The following SPNS2 variants were observed in gnomAD, a reference collection of about 807,000 sequenced individuals.
SPNS2 encodes the protein sphingosine-1-phosphate transporter SPNS2.
A neutral mutation model predicts 57.6 loss-of-function variants in SPNS2; 37 were observed. The observed-to-expected ratio is 0.64, with a 90% CI of 0.49 to 0.85. The LOEUF is 0.85. Among genes scored for constraint, SPNS2 ranks in the 40% least tolerant of loss-of-function variants. The pLI, the probability that SPNS2 is intolerant of heterozygous loss-of-function variation, is 0.00. For synonymous variants in SPNS2, 440 were observed against 346.9 expected, an observed-to-expected ratio of 1.27 and a Z score of -2.98; for missense variants, 831 against 779.1, an observed-to-expected ratio of 1.07 and a Z score of -0.79.
chr17:4,516,347 AAAAAC>A lies in SPNS2; in HGVS notation c.436+3036_436+3040del, dbSNP rs1331542498. On this transcript the variant is annotated intron_variant, in intron 2 of 12. Transcript: ENST00000329078. ...AAAAAAAAAAAAAAAAAAAAAACAA[AAAAAC>A]CGCTCATAGGTTTTGCTGTTTTGGG... Among the ~76,000 whole-genome samples the A allele has an allele frequency of 6.9e-3, 1,019 of 148,458 alleles. 44 individuals carry two copies. The highest frequency in any genetic ancestry group is 0.02 in the Middle Eastern group (6 of 294).
Position 4,533,425 on chromosome 17 carries a change from G to T in SPNS2, c.1271G>T (p.Gly424Val). ...GTGGCTGCCAAGAGCAGCATCGTAG[G>T]AGCCTATGTGAGTGCAGCGGGGGTC... Reference protein sequence around the residue: ...IFVAAKSSIVGAYICIFVGET... With the variant: ...IFVAAKSSIVVAYICIFVGET... The change falls in exon 8 of 13, where the codon GGA (glycine) becomes GTA (valine). Residue 424 changes from glycine to valine, a missense_variant. Gly to Val is a moderately radical substitution (Grantham distance 109, BLOSUM62 -3). This residue lies in a region of SPNS2 where 526 missense variants were observed against 400.9 expected (regional missense o/e 1.31). Transcript: ENST00000329078. 6.3e-7 allele frequency: 1 copy of T among 1,598,732 alleles called. No homozygotes were observed. Among genetic ancestry groups the T allele is most frequent in the Non-Finnish European group, 8.5e-7 (1 of 1,172,500 alleles).
chr17:4,532,564 T>C lies in SPNS2; in HGVS notation c.815T>C (p.Ile272Thr). ...ALRVSPVLGM[I>T]TGTLILILVP... Reference sequence around the variant, plus strand: ...CAGGTGTCCCCTGTCCTGGGCATGATCACAGGAACACTCATCCTCATTCTG... The same window carrying C: ...CAGGTGTCCCCTGTCCTGGGCATGACCACAGGAACACTCATCCTCATTCTG... The change falls in exon 6 of 13, where the codon ATC becomes ACC. Residue 272 changes from isoleucine (I) to threonine (T), a missense_variant. Coordinates refer to ENST00000329078, the MANE Select transcript of SPNS2 (RefSeq NM_001124758.3). 1.2e-6 allele frequency: 2 copies of C among 1,614,046 alleles called. No homozygotes were observed. Among genetic ancestry groups the C allele is most frequent in the Non-Finnish European group, 1.7e-6 (2 of 1,180,024 alleles).
At chr17:4,533,600 G>T in intron 8 of SPNS2, 168 bp downstream of exon 8, 1 of 1,003,978 alleles carries the variant, frequency 1.0e-6, no homozygotes, top group Non-Finnish European at 1.5e-6. Flanking sequence ...AGCCTGTCCA[G>T]GGCCTCTGGG....
At position 4,536,887 on chromosome 17, in the gene SPNS2, G is replaced by A. The variant is rs768421764; in HGVS notation, c.1608-13G>A. 64 of 1,612,814 alleles carry A rather than the reference G, an allele frequency of 4.0e-5. No individual in the cohort carries two copies. Among genetic ancestry groups the A allele is most frequent in the African/African-American group, 2.4e-4 (18 of 74,836 alleles). ...TGATGCACCACCCTGACCCCCGCCC[G>A]TCTCTCCCCCAGGGTGAACCAGCTG... is the stretch of plus-strand genomic sequence containing the variant. On this transcript the variant is annotated splice_polypyrimidine_tract_variant and intron_variant, in intron 11 of 12. Transcript: ENST00000329078.
intron 2 of SPNS2, among the ~76,000 whole-genome samples, chr17:4,521,647 A>G (rs1905140046): frequency 6.6e-6 from 1 of 152,276 alleles, no homozygotes; most frequent in South Asian, 2.1e-4. Flanking sequence ...AAATACAACC[A>G]TTGTTAAAAA....
At position 4,532,661 on chromosome 17, in the gene SPNS2, A is replaced by G. The variant is rs1000653673; in HGVS notation, c.912A>G (p.Arg304=). ...DQLKARTSWL[R]DMKALIRNRS... is the part of the protein sequence containing the mutation. Reference sequence around the variant, plus strand: ...TCAAGGCCCGGACCTCATGGCTCCGAGATATGAAGGCCCTGATTCGAAAGT... The same window carrying G: ...TCAAGGCCCGGACCTCATGGCTCCGGGATATGAAGGCCCTGATTCGAAAGT... The change falls in exon 6 of 13, where the codon CGA becomes CGG. Residue 304 remains arginine (R), a synonymous_variant. Coordinates refer to ENST00000329078, the MANE Select transcript of SPNS2 (RefSeq NM_001124758.3). The G allele has an allele frequency of 6.2e-7, 1 of 1,613,694 alleles. No homozygotes were observed. Among genetic ancestry groups the G allele is most frequent in the Non-Finnish European group, 8.5e-7 (1 of 1,179,982 alleles).
At chr17:4,515,148 G>GCTGGC (rs1904952795) in intron 2 of SPNS2, among the ~76,000 whole-genome samples, 2 of 152,156 alleles carry the variant, frequency 1.3e-5, no homozygotes, top group Non-Finnish European at 2.9e-5. Context: ...TCTTTCTGCG[G>GCTGGC]TTCTGTCCCA....
chr17:4,535,312 G>A (rs1469892545), intron 9 of SPNS2, among the ~76,000 whole-genome samples: 2 of 152,208 alleles, frequency 1.3e-5, no homozygotes, highest in African/African-American at 2.4e-5. Context: ...TGCGAGCGGA[G>A]GCTCTTGCAG....
At chr17:4,524,123 T>C (rs1334288050) in intron 2 of SPNS2, among the ~76,000 whole-genome samples, 1 of 152,124 alleles carries the variant, frequency 6.6e-6, no homozygotes, top group African/African-American at 2.4e-5. Flanking sequence ...AATCTGGAGT[T>C]CCAGGCCCAG....
intron 10 of SPNS2, 25 bp downstream of exon 10, chr17:4,536,199 GC>G (rs201297920): frequency 2.7e-5 from 43 of 1,608,014 alleles, no homozygotes; most frequent in South Asian, 1.8e-4. Flanking sequence ...GGTGGGGCTG[GC>G]CAGGGCAGGC....
Position 4,536,161 on chromosome 17 carries a change from A to G in SPNS2, c.1430A>G (p.Tyr477Cys). The G allele has an allele frequency of 6.2e-7, 1 of 1,611,996 alleles. No individual in the cohort carries two copies. The highest frequency in any genetic ancestry group is 1.1e-5 in the South Asian group (1 of 91,062). ...SHLLGDAGSP[Y>C]LIGFISDLIR... is the part of the protein sequence containing the mutation. ...CTGCTGGGGGACGCCGGGAGCCCCT[A>G]CCTCATTGGCTTTGTGAGTAGCCCC... Residue 477 changes from tyrosine (Y) to cysteine (C), a missense_variant, in exon 10 of 13, where the codon TAC (tyrosine) becomes TGC (cysteine). Around this residue, in one of 2 missense-constraint regions of SPNS2, gnomAD observed 526 missense variants for 400.9 expected, o/e 1.31. Coordinates refer to ENST00000329078, the MANE Select transcript of SPNS2 (RefSeq NM_001124758.3).
chr17:4,532,128 A>G (rs563038647), intron 5 of SPNS2, among the ~76,000 whole-genome samples: 10 of 150,756 alleles, frequency 6.6e-5, no homozygotes, highest in African/African-American at 1.7e-4. Flanking sequence ...CCGTCCGTCT[A>G]TCTATCCGTT....
chr17:4,536,048 G>GCCGCTGACCTGC, intron 9 of SPNS2, 28 bp from the exon 10 acceptor site: 1 of 1,599,308 alleles, frequency 6.3e-7, no homozygotes, highest in African/African-American at 1.3e-5. Context: ...TTCTCCTCTG[G>GCCGCTGACCTGC]CCGCTGACCT....
Position 4,531,131 on chromosome 17 carries a change from G to A in SPNS2, c.792+12G>A, listed in dbSNP as rs368070229. The A allele has an allele frequency of 1.5e-5, 25 of 1,613,610 alleles. No homozygotes were observed. Among genetic ancestry groups the A allele is most frequent in the Middle Eastern group, 1.6e-4 (1 of 6,082 alleles). On this transcript the variant is annotated intron_variant, in intron 5 of 12. Transcript: ENST00000329078. ...ACTGGGCATTGCGGGTAAGCCCTAC[G>A]TCCCTTCCCATGAGGACACCCTCCG...
intron 5 of SPNS2, among the ~76,000 whole-genome samples, chr17:4,532,167 T>C (rs1597369133): frequency 6.6e-6 from 1 of 151,428 alleles, no homozygotes; most frequent in African/African-American, 2.5e-5. Context: ...TCTGTCCATC[T>C]GTCCATCTAT....
intron 2 of SPNS2, among the ~76,000 whole-genome samples, chr17:4,517,240 C>A (rs1322768407): frequency 6.6e-6 from 1 of 152,250 alleles, no homozygotes; most frequent in East Asian, 1.9e-4. Flanking sequence ...CCCATAGAGG[C>A]CCCCTCTGTT....
rs575100563 is a variant in SPNS2, at chr17:4,533,941, C to T, written c.1344+88C>T. The T allele has an allele frequency of 3.1e-4, 201 of 642,320 alleles. No homozygotes were observed. In the East Asian group the frequency reaches 6.9e-3, roughly 22 times the overall value. The allele number at this position is 642,320 out of a possible 1,614,324, so 39.8% of individuals were successfully genotyped here. A position where few individuals can be genotyped will look rare whatever the true frequency, so the allele number is the denominator to read the frequency against. On this transcript the variant is annotated intron_variant, in intron 9 of 12. Coordinates refer to ENST00000329078, the MANE Select transcript of SPNS2 (RefSeq NM_001124758.3). ...TGCCTGGGGAGGGCGGGTGAAGGGGCGGGAGAGCTGGTAGGAAGGCAGGCC... is the reference window on the plus strand; with the variant it reads ...TGCCTGGGGAGGGCGGGTGAAGGGGTGGGAGAGCTGGTAGGAAGGCAGGCC...
At chr17:4,525,316 G>C (rs1905238326) in intron 3 of SPNS2, 123 bp downstream of exon 3, 3 of 1,355,220 alleles carry the variant, frequency 2.2e-6, no homozygotes. Flanking sequence ...GAACCCCACT[G>C]TCTTCCCAGT....
intron 9 of SPNS2, among the ~76,000 whole-genome samples, chr17:4,534,771 G>C (rs79695397): frequency 0.017 from 2,515 of 151,742 alleles, 84 homozygotes; most frequent in African/African-American, 0.057. Context: ...GGAGCCAGGC[G>C]GTGGCAGGGG....
Sources: gnomAD v4.1 joint callset for allele counts (sites outside exome capture counted in the v4.1 genomes callset) on GRCh38, gnomAD v4.1.1 for gene constraint, gnomAD v4.1.1 regional missense constraint, MANE v1.5 for transcripts, NCBI Gene and HGNC (gene_info 2026-07-23, HGNC 2026-07-21) for gene names.